Variants in MAST4 observed in about 807,000 individuals in gnomAD.
MAST4 encodes microtubule associated serine/threonine kinase family member 4.
Under a neutral mutation model 162.7 loss-of-function variants are expected in MAST4, and 89 were observed. The observed-to-expected ratio is 0.55, with a 90% CI of 0.46 to 0.65. The LOEUF (loss-of-function observed/expected upper bound fraction) is 0.65. MAST4 is among the 30% of genes least tolerant of loss of function. The pLI is 0.00. For synonymous variants in MAST4, 1,479 were observed against 1,361.1 expected (o/e 1.09, Z -1.91); for missense variants, 3,153 against 3,374.0 (o/e 0.93, Z 1.62).
At chr5:66,991,707 T>A (rs908781365) in intron 4 of MAST4, among the ~76,000 whole-genome samples, 1 of 152,218 alleles carries the variant, frequency 6.6e-6, no homozygotes, top group Non-Finnish European at 1.5e-5. Context: ...AAAGGATAAA[T>A]AGAAAAATGA....
intron 4 of MAST4, among the ~76,000 whole-genome samples, chr5:66,961,996 A>G (rs1693028128): frequency 6.6e-6 from 1 of 152,240 alleles, no homozygotes; most frequent in Non-Finnish European, 1.5e-5. Context: ...ATATTTTTTA[A>G]TTAGAGCATT....
intron 2 of MAST4, among the ~76,000 whole-genome samples, chr5:66,767,810 AG>A (rs1030624899): frequency 2.6e-5 from 4 of 152,136 alleles, no homozygotes; most frequent in Non-Finnish European, 5.9e-5. Context: ...CTGGGAAGCT[AG>A]GCCAGTCTTG....
At chr5:67,113,519 T>G (rs1333869079) in intron 11 of MAST4, among the ~76,000 whole-genome samples, 2 of 152,178 alleles carry the variant, frequency 1.3e-5, no homozygotes, top group African/African-American at 4.8e-5. Flanking sequence ...TTCCTATTTT[T>G]CTTTCTTGTT....
intron 4 of MAST4, among the ~76,000 whole-genome samples, chr5:66,952,138 T>C (rs1345002168): frequency 6.6e-6 from 1 of 152,094 alleles, no homozygotes; most frequent in Admixed American, 6.5e-5. Flanking sequence ...TGATGAACCC[T>C]CTCTGAGGAG....
chr5:66,622,030 A>G (rs1744108721), intron 1 of MAST4, among the ~76,000 whole-genome samples: 2 of 152,024 alleles, frequency 1.3e-5, no homozygotes. Flanking sequence ...AGCGGGCCAG[A>G]TTTGACCCAC....
chr5:66,648,033 A>AAT (rs1357125504), intron 1 of MAST4, among the ~76,000 whole-genome samples: 10 of 92,166 alleles, frequency 1.1e-4, no homozygotes, highest in Non-Finnish European at 1.6e-4. Flanking sequence ...TGTGTTAGGT[A>AAT]ATGTGTGTGT....
intron 12 of MAST4, chr5:67,114,730 A>T (rs1176425924): frequency 6.6e-6 from 1 of 152,470 alleles, no homozygotes; most frequent in Non-Finnish European, 1.5e-5. Flanking sequence ...AGGAGAGAAA[A>T]AAGAAATTTT....
At chr5:66,854,076 T>C (rs979587429) in intron 3 of MAST4, among the ~76,000 whole-genome samples, 5 of 152,186 alleles carry the variant, frequency 3.3e-5, no homozygotes, top group African/African-American at 9.6e-5. Context: ...TTATAAAAGA[T>C]GGTGTCTCCT....
Position 66,899,993 on chromosome 5 carries a change from G to A in MAST4, c.674+11G>A, listed in dbSNP as rs2149977735. The A allele has an allele frequency of 6.7e-7, 1 of 1,501,826 alleles. No individual in the cohort carries two copies. The highest frequency in any genetic ancestry group is 1.3e-5 in the South Asian group (1 of 74,354). The allele number at this position is 1,501,826 out of a possible 1,614,324, so 93.0% of individuals were successfully genotyped here. A position where few individuals can be genotyped will look rare whatever the true frequency, so the allele number is the denominator to read the frequency against. On this transcript the variant is annotated intron_variant, in intron 4 of 28. Coordinates refer to ENST00000403625, the MANE Select transcript of MAST4 (RefSeq NM_001164664.2). ...CAGAAGAGGAAGTTTGTAAGTAGTA[G>A]TATTTTGTTTCCTTGTTTTCTTTTT...
chr5:67,014,832 T>A (rs1402532040), intron 4 of MAST4, among the ~76,000 whole-genome samples: 1 of 152,234 alleles, frequency 6.6e-6, no homozygotes, highest in Non-Finnish European at 1.5e-5. Context: ...TTATGTATTA[T>A]TTGATGGCTT....
rs373251378 is a variant in MAST4, at chr5:67,159,474, C to T, written c.3649-982C>T. Among the ~76,000 whole-genome samples the T allele has an allele frequency of 2.4e-3, 372 of 152,238 alleles. 2 individuals carry two copies. The highest frequency in any genetic ancestry group is 8.7e-3 in the African/African-American group (360 of 41,528). On this transcript the variant is annotated intron_variant, in intron 26 of 28. Transcript: ENST00000403625. ...TCCTCTGCTGCCACCATACCTAACT[C>T]CCCCCAACTCCCCTTCACTTGGTAC...
chr5:66,999,211 G>A (rs1244475626), intron 4 of MAST4, among the ~76,000 whole-genome samples: 3 of 152,174 alleles, frequency 2.0e-5, no homozygotes, highest in East Asian at 3.8e-4. Context: ...GTGTCCAGCT[G>A]TTCTCCCACG....
chr5:67,153,634 G>A, intron 26 of MAST4, 54 bp downstream of exon 26: 2 of 1,489,386 alleles, frequency 1.3e-6, no homozygotes, highest in Non-Finnish European at 1.8e-6. Flanking sequence ...GCCCAAAGGG[G>A]CTAGTACCAG....
chr5:66,936,913 A>G (rs1326006520), intron 4 of MAST4, among the ~76,000 whole-genome samples: 3 of 151,874 alleles, frequency 2.0e-5, no homozygotes, highest in Admixed American at 2.0e-4. Flanking sequence ...TCAGCACTGA[A>G]CTCCTTATTA....
At chr5:66,979,063 AC>A (rs748985457) in intron 4 of MAST4, among the ~76,000 whole-genome samples, 2 of 152,186 alleles carry the variant, frequency 1.3e-5, no homozygotes, top group Non-Finnish European at 2.9e-5. Context: ...GAGGCTTTTT[AC>A]GCAGATTGGG....
intron 4 of MAST4, among the ~76,000 whole-genome samples, chr5:66,984,254 C>CA (rs1197186717): frequency 3.9e-5 from 6 of 152,242 alleles, no homozygotes; most frequent in African/African-American, 1.4e-4. Flanking sequence ...CAGAAGGCAA[C>CA]AGCCATGAGA....
intron 12 of MAST4, among the ~76,000 whole-genome samples, chr5:67,115,832 T>C (rs1475371432): frequency 6.6e-6 from 1 of 152,216 alleles, no homozygotes; most frequent in African/African-American, 2.4e-5. Flanking sequence ...CAGATAATAG[T>C]TGTTTAGCAG....
chr5:67,159,732 G>C (rs564463916), intron 26 of MAST4, among the ~76,000 whole-genome samples: 2 of 152,204 alleles, frequency 1.3e-5, no homozygotes, highest in South Asian at 4.1e-4. Context: ...ATCCCTAGAG[G>C]CTGCCCAGCA....
At chr5:66,710,114 C>T (rs944185235) in intron 1 of MAST4, among the ~76,000 whole-genome samples, 1 of 152,194 alleles carries the variant, frequency 6.6e-6, no homozygotes, top group African/African-American at 2.4e-5. Context: ...CTGCTTTGAT[C>T]CTACTGACAG....
Sources: gnomAD v4.1 joint callset for allele counts (sites outside exome capture counted in the v4.1 genomes callset) on GRCh38, gnomAD v4.1.1 for gene constraint, MANE v1.5 for transcripts, NCBI Gene and HGNC (gene_info 2026-07-23, HGNC 2026-07-21) for gene names.